LRP2: variants seen among roughly 807,000 people sequenced by gnomAD.
The protein encoded by LRP2 is low-density lipoprotein receptor-related protein 2.
Under a neutral mutation model 531.0 loss-of-function variants are expected in LRP2, and 172 were observed. The ratio of observed to expected loss-of-function variants is 0.32; its 90% CI spans 0.29 to 0.37. The LOEUF (loss-of-function observed/expected upper bound fraction) is 0.37. Among genes scored for constraint, LRP2 ranks in the 10% least tolerant of loss-of-function variants. The pLI is 1.00. For synonymous variants in LRP2, 1,992 were observed against 2,027.6 expected, an observed-to-expected ratio of 0.98 and a Z score of 0.47; for missense variants, 5,167 against 5,868.3, an observed-to-expected ratio of 0.88 and a Z score of 3.90.
intron 32 of LRP2, 71 bp from the exon 33 acceptor site, chr2:169,225,524 T>C: frequency 1.3e-6 from 2 of 1,543,500 alleles, no homozygotes; most frequent in South Asian, 2.2e-5. Flanking sequence ...CTTTCTTCAC[T>C]GTGGCTACTG....
chr2:169,137,048 T>C (rs1685540696), intron 76 of LRP2, among the ~76,000 whole-genome samples: 1 of 152,194 alleles, frequency 6.6e-6, no homozygotes, highest in Non-Finnish European at 1.5e-5. Flanking sequence ...TTCACAAGTA[T>C]TTGTAGAGAA....
chr2:169,265,088 T>C (rs1690743584), intron 16 of LRP2, among the ~76,000 whole-genome samples: 3 of 151,718 alleles, frequency 2.0e-5, no homozygotes, highest in Admixed American at 2.0e-4. Flanking sequence ...AAGGAGAAAT[T>C]AATCACCCCC....
chr2:169,145,748 T>C lies in LRP2; in HGVS notation c.12987A>G (p.Ser4329=). The change falls in exon 70 of 79, where the codon TCA becomes TCG. Residue 4329 remains serine, a splice_region_variant and synonymous_variant. Transcript: ENST00000649046. Reference sequence around the variant, plus strand: ...TCTTATACCAAAGTTGGTGATTACCTGACTTATTGTATCTGAGTTGATGAA... The same window carrying C: ...TCTTATACCAAAGTTGGTGATTACCCGACTTATTGTATCTGAGTTGATGAA... ...RIFHQLRYNK[S]VPNLCKQICS... 1 of 1,614,092 alleles carries C rather than the reference T, an allele frequency of 6.2e-7. No homozygotes were observed.
intron 19 of LRP2, among the ~76,000 whole-genome samples, chr2:169,255,202 T>C (rs1489677518): frequency 6.6e-6 from 1 of 152,142 alleles, no homozygotes; most frequent in African/African-American, 2.4e-5. Context: ...CCCCTCTAAC[T>C]GGAGTAATCA....
At chr2:169,185,380 G>T in intron 50 of LRP2, 123 bp downstream of exon 50, 1 of 880,602 alleles carries the variant, frequency 1.1e-6, no homozygotes, top group Non-Finnish European at 1.8e-6. Context: ...AAATAAACCT[G>T]CAGAAACATT....
intron 62 of LRP2, 136 bp downstream of exon 62, chr2:169,165,796 A>G: frequency 9.3e-7 from 1 of 1,075,488 alleles, no homozygotes; most frequent in Non-Finnish European, 1.4e-6. Context: ...TGGTCTTGTA[A>G]ACAATTATGT....
intron 34 of LRP2, among the ~76,000 whole-genome samples, chr2:169,217,225 C>A (rs777969828): frequency 1.4e-4 from 21 of 152,204 alleles, no homozygotes; most frequent in Non-Finnish European, 2.2e-4. Flanking sequence ...ACAGACAATT[C>A]TCCTACATTC....
intron 50 of LRP2, among the ~76,000 whole-genome samples, chr2:169,184,116 C>A (rs987038526): frequency 6.6e-5 from 10 of 151,934 alleles, no homozygotes; most frequent in African/African-American, 2.4e-4. Context: ...GTCATTCTAG[C>A]AGTTTCTGAG....
At chr2:169,327,670 C>CA (rs1234195152) in intron 1 of LRP2, among the ~76,000 whole-genome samples, 124 of 1,028 alleles carry the variant, frequency 0.12, no homozygotes, top group African/African-American at 0.27. Context: ...GGGGGCTCAG[C>CA]CCCCTCCCGG....
intron 48 of LRP2, among the ~76,000 whole-genome samples, chr2:169,190,822 C>T (rs546330169): frequency 6.6e-6 from 1 of 152,350 alleles, no homozygotes; most frequent in African/African-American, 2.4e-5. Flanking sequence ...CCTACTTTTG[C>T]TAATGCTCGT....
In LRP2 at chr2:169,277,917, C is replaced by A; in HGVS notation, c.1600G>T (p.Gly534Trp). 1 of 1,613,958 alleles carries A rather than the reference C, an allele frequency of 6.2e-7. No individual in the cohort carries two copies. The highest frequency in any genetic ancestry group is 1.1e-5 in the South Asian group (1 of 91,078). The change falls in exon 13 of 79, where the codon GGG becomes TGG. Residue 534 changes from glycine to tryptophan, a missense_variant. Transcript: ENST00000649046. The stretch of plus-strand genomic sequence containing the variant: ...AATGCCCTTTCCAGCTTAGGTTCCC[C>A]AGAAAGGCTCTCCCAATCTGAGAAA... ...LFFSDWESLS[G>W]EPKLERAFMD...
At chr2:169,138,522 A>T in intron 75 of LRP2, 55 bp downstream of exon 75, 1 of 1,593,110 alleles carries the variant, frequency 6.3e-7, no homozygotes. Flanking sequence ...CTTTATAAAA[A>T]GTATTTATTC....
intron 16 of LRP2, among the ~76,000 whole-genome samples, chr2:169,261,026 G>A (rs932775776): frequency 6.6e-6 from 1 of 152,014 alleles, no homozygotes; most frequent in African/African-American, 2.4e-5. Flanking sequence ...AGGATGAGAG[G>A]GGTGTCAGCC....
chr2:169,261,841 C>A (rs1176269091), intron 16 of LRP2, among the ~76,000 whole-genome samples: 1 of 152,000 alleles, frequency 6.6e-6, no homozygotes, highest in Admixed American at 6.6e-5. Flanking sequence ...TGCAAAGATC[C>A]TCAATAAAAT....
chr2:169,229,947 GA>G (rs913336768), intron 31 of LRP2, among the ~76,000 whole-genome samples: 12 of 150,836 alleles, frequency 8.0e-5, no homozygotes, highest in Middle Eastern at 3.4e-3. Flanking sequence ...TCTTGTTGGG[GA>G]AAAAAAAATG....
chr2:169,286,137 A>T (rs1683851580), intron 9 of LRP2, among the ~76,000 whole-genome samples: 1 of 152,264 alleles, frequency 6.6e-6, no homozygotes. Context: ...GTCTTCTTTG[A>T]AACAAATGTG....
In LRP2 at chr2:169,166,173, T is replaced by C. The variant is rs557132443; in HGVS notation, c.11636-119A>G. 26 of 1,010,584 alleles carry C rather than the reference T, an allele frequency of 2.6e-5. No individual in the cohort carries two copies. In the South Asian group the frequency reaches 2.7e-4, roughly 10 times the overall value. The allele number at this position is 1,010,584 out of a possible 1,614,324, so 62.6% of individuals were successfully genotyped here. The stretch of plus-strand genomic sequence containing the variant: ...TCATTCATGCACTCATTTACTCATT[T>C]GATTAATCAATCAGCAGATACACCT... On this transcript the variant is annotated intron_variant, in intron 61 of 78. Coordinates refer to ENST00000649046, the MANE Select transcript of LRP2 (RefSeq NM_004525.3).
In LRP2 at chr2:169,231,734, T is replaced by C; in HGVS notation, c.5207A>G (p.Asp1736Gly). 6 of 1,613,940 alleles carry C rather than the reference T, an allele frequency of 3.7e-6. No individual in the cohort carries two copies. Among genetic ancestry groups the C allele is most frequent in the Non-Finnish European group, 5.1e-6 (6 of 1,179,946 alleles). Residue 1736 changes from aspartate to glycine, a missense_variant, in exon 31 of 79, where the codon GAT (aspartate) becomes GGT (glycine). Asp to Gly is a moderately conservative substitution (Grantham distance 94, BLOSUM62 -1). This residue lies in a region of LRP2 where 2,811 missense variants were observed against 3,058.0 expected (regional missense o/e 0.92). Coordinates refer to ENST00000649046, the MANE Select transcript of LRP2 (RefSeq NM_004525.3). The part of the protein sequence containing the change: ...VCPSGWSLSP[D>G]LLNCLRDDQP... ...TATACCTCTCAAGCAATTCAGGAGA[T>C]CAGGAGACAGACTCCATCCTGAAGG...
chr2:169,328,519 C>T (rs1162978996), intron 1 of LRP2, among the ~76,000 whole-genome samples: 6 of 142,286 alleles, frequency 4.2e-5, no homozygotes, highest in Non-Finnish European at 6.1e-5. Context: ...CCTTTTTTGA[C>T]AGAGCCTATA....
Sources: allele counts gnomAD v4.1 joint callset (sites outside exome capture counted in the v4.1 genomes callset), GRCh38; gene constraint gnomAD v4.1.1; regional missense constraint gnomAD v4.1.1; transcripts MANE v1.5; gene names NCBI Gene and HGNC (gene_info 2026-07-23, HGNC 2026-07-21).